PRKN: variants seen among roughly 807,000 people sequenced by gnomAD.
PRKN encodes E3 ubiquitin-protein ligase parkin.
Under a neutral mutation model 59.5 loss-of-function variants are expected in PRKN, and 56 were observed. The ratio of observed to expected loss-of-function variants is 0.94; its 90% CI spans 0.76 to 1.18. PRKN has a LOEUF of 1.18. PRKN is among the 50% of genes most tolerant of loss of function. The pLI, the probability that PRKN is intolerant of heterozygous loss-of-function variation, is 0.00. For missense variants in PRKN, 657 were observed against 596.4 expected (o/e 1.10, Z -1.06); for synonymous variants, 250 against 222.1 (o/e 1.13, Z -1.12).
chr6:161,402,097 C>T lies in PRKN; in HGVS notation c.1084-15220G>A, dbSNP rs559150635. Among the ~76,000 whole-genome samples, 2 of 152,232 alleles carry T rather than the reference C, an allele frequency of 1.3e-5. No homozygotes were observed. The highest frequency in any genetic ancestry group is 3.9e-4 in the East Asian group (2 of 5,170). On this transcript the variant is annotated intron_variant, in intron 9 of 11. Transcript: ENST00000366898. The surrounding 1 kb of genome is among the most constrained non-coding windows in gnomAD (Gnocchi z 4.5). Reference sequence around the variant, plus strand: ...CCACTTAGAGAGCTGATTGTCATCACCGCCCTGACAGTCTCAGTGGCAGGC... The same window carrying T: ...CCACTTAGAGAGCTGATTGTCATCATCGCCCTGACAGTCTCAGTGGCAGGC...
intron 1 of PRKN, among the ~76,000 whole-genome samples, chr6:162,527,798 C>T (rs765640362): frequency 9.9e-5 from 15 of 152,206 alleles, no homozygotes; most frequent in Non-Finnish European, 2.1e-4. Context: ...AGGCGCTTTA[C>T]ATACAGTCGC....
At chr6:162,385,736 T>A (rs979383196) in intron 2 of PRKN, among the ~76,000 whole-genome samples, 1 of 151,966 alleles carries the variant, frequency 6.6e-6, no homozygotes, top group African/African-American at 2.4e-5. Context: ...CTTGAATCCA[T>A]CCCTGACTTT....
intron 7 of PRKN, among the ~76,000 whole-genome samples, chr6:161,750,069 G>A (rs1788612164): frequency 6.8e-6 from 1 of 148,016 alleles, no homozygotes. Context: ...TCAATTCATA[G>A]GATATTAATG....
intron 1 of PRKN, among the ~76,000 whole-genome samples, chr6:162,584,232 CAAAAAACAAAAAACAAAAA>C (rs1562408327): frequency 8.7e-6 from 1 of 114,990 alleles, no homozygotes; most frequent in African/African-American, 3.3e-5. Context: ...AAACAAAAAA[CAAAAAACAAAAAACAAAAA>C]AAAAAAAAAC....
chr6:162,255,867 C>T (rs1189049809), intron 3 of PRKN, among the ~76,000 whole-genome samples: 1 of 152,162 alleles, frequency 6.6e-6, no homozygotes, highest in Non-Finnish European at 1.5e-5. Flanking sequence ...CTGGTTCAAA[C>T]GATTTTCATT....
chr6:161,432,355 A>ATTTTTTTTTTTTTTTTTTTTTTTTTTTTT (rs1188841520), intron 9 of PRKN, among the ~76,000 whole-genome samples: 1 of 92,184 alleles, frequency 1.1e-5, no homozygotes, highest in Non-Finnish European at 2.0e-5. Flanking sequence ...ACTTCCTCTG[A>ATTTTTTTTTTTTTTTTTTTTTTTTTTTTT]TTTTTTTTTT....
intron 9 of PRKN, among the ~76,000 whole-genome samples, chr6:161,543,861 A>G (rs560144884): frequency 6.6e-6 from 1 of 152,288 alleles, no homozygotes; most frequent in African/African-American, 2.4e-5. Context: ...TGTATTCCAT[A>G]TTTTGTTGCT....
chr6:161,532,191 T>TATAA (rs1365274194), intron 9 of PRKN, among the ~76,000 whole-genome samples: 60 of 141,990 alleles, frequency 4.2e-4, no homozygotes, highest in African/African-American at 1.4e-3. Flanking sequence ...TATATATATA[T>TATAA]AATCTATCTA....
Position 161,410,260 on chromosome 6 carries a change from C to T in PRKN, c.1084-23383G>A, listed in dbSNP as rs560160498. On this transcript the variant is annotated intron_variant, in intron 9 of 11. Coordinates refer to ENST00000366898, the MANE Select transcript of PRKN (RefSeq NM_004562.3). The surrounding 1 kb of genome is among the most constrained non-coding windows in gnomAD (Gnocchi z 5.3). ...GCATGTCTCAGCTGGTAGCCCTTGT[C>T]CCAGAGCTGGTGGCCTGCTGTGTCC... is the stretch of plus-strand genomic sequence containing the variant. Among the ~76,000 whole-genome samples, 149 of 152,260 alleles carry T rather than the reference C, an allele frequency of 9.8e-4. 1 individual carries two copies. The highest frequency in any genetic ancestry group is 3.4e-3 in the African/African-American group (142 of 41,548).
chr6:161,990,750 T>C (rs1781614901), intron 5 of PRKN, among the ~76,000 whole-genome samples: 2 of 152,136 alleles, frequency 1.3e-5, no homozygotes, highest in African/African-American at 2.4e-5. Flanking sequence ...GCCTATGGGA[T>C]ATATGGGACA....
intron 1 of PRKN, among the ~76,000 whole-genome samples, chr6:162,535,211 C>T (rs75443557): frequency 1.7e-3 from 259 of 152,268 alleles, no homozygotes; most frequent in African/African-American, 6.0e-3. Flanking sequence ...CTTTCTGCAG[C>T]TCAGAGGGGA....
At chr6:161,749,739 A>G (rs1788596131) in intron 7 of PRKN, among the ~76,000 whole-genome samples, 1 of 152,118 alleles carries the variant, frequency 6.6e-6, no homozygotes, top group South Asian at 2.1e-4. Context: ...CGGGGCTGAC[A>G]TGGGGCACAT....
intron 6 of PRKN, among the ~76,000 whole-genome samples, chr6:161,935,554 CAAA>C (rs773798640): frequency 2.4e-5 from 2 of 82,634 alleles, no homozygotes; most frequent in African/African-American, 9.2e-5. Context: ...ACCTTGTTTC[CAAA>C]AAAAAAAAAA....
At chr6:162,230,045 G>A (rs574080260) in intron 3 of PRKN, among the ~76,000 whole-genome samples, 1 of 152,248 alleles carries the variant, frequency 6.6e-6, no homozygotes, top group African/African-American at 2.4e-5. Flanking sequence ...AATTGAATGT[G>A]CATCCCTTTT....
Position 162,215,917 on chromosome 6 carries a change from C to T in PRKN, c.413-14665G>A, listed in dbSNP as rs186918472. Among the ~76,000 whole-genome samples the T allele has an allele frequency of 6.7e-3, 1,018 of 152,156 alleles. 8 individuals are homozygous for T. Among genetic ancestry groups the T allele is most frequent in the South Asian group, 0.034 (166 of 4,826 alleles). ...AAATTAGCTGGCATGGTGGTGCATG[C>T]CTGTAATCCCAGCTACTTGGGAGAC... On this transcript the variant is annotated intron_variant, in intron 3 of 11. Transcript: ENST00000366898.
intron 1 of PRKN, among the ~76,000 whole-genome samples, chr6:162,703,031 T>C (rs1168709638): frequency 6.6e-6 from 1 of 152,238 alleles, no homozygotes; most frequent in Non-Finnish European, 1.5e-5. Flanking sequence ...GACTTTACCA[T>C]AAGCTTTGAT....
intron 2 of PRKN, among the ~76,000 whole-genome samples, chr6:162,356,114 C>G (rs138948135): frequency 4.6e-5 from 7 of 152,228 alleles, no homozygotes; most frequent in Admixed American, 1.3e-4. Flanking sequence ...AAACCACCAA[C>G]GTGACCTTTA....
At chr6:161,698,492 C>G (rs114847816) in intron 7 of PRKN, among the ~76,000 whole-genome samples, 1,718 of 152,098 alleles carry the variant, frequency 0.011, 39 homozygotes, top group African/African-American at 0.039. Flanking sequence ...TGTGGAAGGG[C>G]AAATGACTTA....
At chr6:161,424,357 G>C (rs1009842794) in intron 9 of PRKN, among the ~76,000 whole-genome samples, 1 of 123,182 alleles carries the variant, frequency 8.1e-6, no homozygotes, top group Non-Finnish European at 1.7e-5. Flanking sequence ...AAAAAAAAAA[G>C]AATTGATTTT....
Sources: allele counts gnomAD v4.1 joint callset (sites outside exome capture counted in the v4.1 genomes callset), GRCh38; gene constraint gnomAD v4.1.1; non-coding constraint Gnocchi (gnomAD v3.1); transcripts MANE v1.5; gene names NCBI Gene and HGNC (gene_info 2026-07-23, HGNC 2026-07-21).